Variants in HS6ST3 observed in about 807,000 individuals in gnomAD.
The protein encoded by HS6ST3 is heparan sulfate 6-O-sulfotransferase 3, also known as heparan-sulfate 6-O-sulfotransferase 3.
In HS6ST3, 12 loss-of-function variants were observed where a neutral mutation model predicts 36.7. The observed-to-expected ratio is 0.33, with a 90% confidence interval of 0.21 to 0.53. HS6ST3 has a LOEUF of 0.53. HS6ST3 is among the 20% of genes least tolerant of loss of function. The pLI is 0.95. For missense variants in HS6ST3, 584 were observed against 640.9 expected, an observed-to-expected ratio of 0.91 and a Z score of 0.96; for synonymous variants, 240 against 257.5, an observed-to-expected ratio of 0.93 and a Z score of 0.65.
chr13:96,110,553 C>G (rs2053863369), intron 1 of HS6ST3, among the ~76,000 whole-genome samples: 2 of 151,888 alleles, frequency 1.3e-5, no homozygotes, highest in South Asian at 4.2e-4. Context: ...TCTCCTGCCT[C>G]AGCCTCCTGA....
intron 1 of HS6ST3, among the ~76,000 whole-genome samples, chr13:96,188,703 T>A (rs954443238): frequency 9.9e-5 from 15 of 152,214 alleles, no homozygotes; most frequent in African/African-American, 3.6e-4. Flanking sequence ...GAGTAATTTT[T>A]AACCCATTTT....
chr13:96,390,588 A>G (rs548217965), intron 1 of HS6ST3, among the ~76,000 whole-genome samples: 1 of 152,356 alleles, frequency 6.6e-6, no homozygotes, highest in South Asian at 2.1e-4. Context: ...TTGTTATAAC[A>G]GCCAGAGCAG....
chr13:96,687,852 A>T (rs948250914), intron 1 of HS6ST3, among the ~76,000 whole-genome samples: 6 of 152,096 alleles, frequency 3.9e-5, no homozygotes, highest in Non-Finnish European at 7.4e-5. Context: ...ACTGGCTAAA[A>T]CAATGAATGA....
At chr13:96,611,200 A>G (rs1411610320) in intron 1 of HS6ST3, among the ~76,000 whole-genome samples, 1 of 151,584 alleles carries the variant, frequency 6.6e-6, no homozygotes, top group East Asian at 1.9e-4. Context: ...TTAGTTACAT[A>G]TGAATACATG....
chr13:96,649,328 C>A (rs2056599677), intron 1 of HS6ST3, among the ~76,000 whole-genome samples: 1 of 151,812 alleles, frequency 6.6e-6, no homozygotes, highest in Admixed American at 6.6e-5. Context: ...AGTGGGGAAG[C>A]CCATTATAAA....
intron 1 of HS6ST3, among the ~76,000 whole-genome samples, chr13:96,127,486 C>T (rs1018499388): frequency 2.6e-5 from 4 of 152,192 alleles, no homozygotes; most frequent in South Asian, 2.1e-4. Flanking sequence ...TGGTGTTGCT[C>T]GCTTGCCTGC....
rs186228429 is a variant in HS6ST3 at position 96,198,083 on chromosome 13, C to T, written c.707+106514C>T. Among the ~76,000 whole-genome samples the T allele has an allele frequency of 4.7e-3, 712 of 152,326 alleles. 6 individuals are homozygous for T. Among genetic ancestry groups the T allele is most frequent in the Non-Finnish European group, 7.3e-3 (496 of 68,038 alleles). On this transcript the variant is annotated intron_variant, in intron 1 of 1. Coordinates refer to ENST00000376705, the MANE Select transcript of HS6ST3 (RefSeq NM_153456.4). ...ACCTCAATTCTTGACTTCTGTGCAC[C>T]CACAAGCTCAACACCATGTGGAAGC...
chr13:96,164,445 T>TA (rs1452491743), intron 1 of HS6ST3, among the ~76,000 whole-genome samples: 1 of 151,918 alleles, frequency 6.6e-6, no homozygotes, highest in Non-Finnish European at 1.5e-5. Context: ...TAGGCCTAGC[T>TA]ACTCGGGAGG....
chr13:96,838,983 CA>C lies in HS6ST3; in HGVS notation c.*5787del, dbSNP rs1879004047. The C allele has an allele frequency of 6.6e-6, 1 of 152,186 alleles. No homozygotes were observed. Among genetic ancestry groups the C allele is most frequent in the South Asian group, 2.1e-4 (1 of 4,824 alleles). The allele number at this position is 152,186 out of a possible 1,614,324, so 9.4% of individuals were successfully genotyped here. A position where few individuals can be genotyped will look rare whatever the true frequency, so the allele number is the denominator to read the frequency against. ...ACAGGTGTCTCTTGAGCCTGTGTTC[CA>C]AGATGTCTGTGGAAAGGATTGCAAC... On this transcript the variant is annotated 3_prime_UTR_variant, in exon 2 of 2. Coordinates refer to ENST00000376705, the MANE Select transcript of HS6ST3 (RefSeq NM_153456.4).
At chr13:96,148,151 T>G (rs1037590661) in intron 1 of HS6ST3, among the ~76,000 whole-genome samples, 1 of 152,230 alleles carries the variant, frequency 6.6e-6, no homozygotes, top group South Asian at 2.1e-4. Flanking sequence ...AAATTTGGTG[T>G]TGTTTTTGTG....
chr13:96,621,898 G>A (rs1446157933), intron 1 of HS6ST3, among the ~76,000 whole-genome samples: 1 of 152,186 alleles, frequency 6.6e-6, no homozygotes, highest in African/African-American at 2.4e-5. Context: ...CCAAACAAAG[G>A]AAAAGATAGA....
At chr13:96,360,960 A>G (rs2055235757) in intron 1 of HS6ST3, among the ~76,000 whole-genome samples, 1 of 151,982 alleles carries the variant, frequency 6.6e-6, no homozygotes, top group Non-Finnish European at 1.5e-5. Context: ...AAAAAAAAAA[A>G]AAATGCAGGA....
intron 1 of HS6ST3, among the ~76,000 whole-genome samples, chr13:96,754,180 T>G (rs1876768908): frequency 6.6e-6 from 1 of 152,180 alleles, no homozygotes; most frequent in African/African-American, 2.4e-5. Flanking sequence ...ACATCCCCTT[T>G]TTATTTCTAC....
At chr13:96,439,082 G>GA (rs60523365) in intron 1 of HS6ST3, among the ~76,000 whole-genome samples, 1 of 150,646 alleles carries the variant, frequency 6.6e-6, no homozygotes, top group Non-Finnish European at 1.5e-5. Flanking sequence ...AAAAAAAAAA[G>GA]AAAAAAAAAG....
intron 1 of HS6ST3, among the ~76,000 whole-genome samples, chr13:96,279,906 C>A (rs1273058932): frequency 6.6e-6 from 1 of 152,072 alleles, no homozygotes. Context: ...TTAATTTTAT[C>A]TTTTAAGATT....
chr13:96,474,086 A>G (rs879767672), intron 1 of HS6ST3, among the ~76,000 whole-genome samples: 11 of 148,768 alleles, frequency 7.4e-5, no homozygotes, highest in Admixed American at 3.4e-4. Flanking sequence ...AATATCAATG[A>G]GAGGAAAATG....
At chr13:96,739,234 T>C (rs28463882) in intron 1 of HS6ST3, among the ~76,000 whole-genome samples, 1 of 139,698 alleles carries the variant, frequency 7.2e-6, no homozygotes, top group Admixed American at 7.1e-5. Context: ...TGTGTGTGTG[T>C]GTGTGTGTGT....
At chr13:96,412,832 T>G (rs1450698442) in intron 1 of HS6ST3, among the ~76,000 whole-genome samples, 1 of 150,218 alleles carries the variant, frequency 6.7e-6, no homozygotes, top group Non-Finnish European at 1.5e-5. Flanking sequence ...TGTTTGCATA[T>G]ACAGTATATT....
At chr13:96,241,529 G>T (rs2054559962) in intron 1 of HS6ST3, among the ~76,000 whole-genome samples, 1 of 151,624 alleles carries the variant, frequency 6.6e-6, no homozygotes, top group African/African-American at 2.4e-5. Context: ...TTTATCAATT[G>T]TATTTAATGG....
Sources: gnomAD v4.1 joint callset for allele counts (sites outside exome capture counted in the v4.1 genomes callset) on GRCh38, gnomAD v4.1.1 for gene constraint, MANE v1.5 for transcripts, NCBI Gene and HGNC (gene_info 2026-07-23, HGNC 2026-07-21) for gene names.